The following CNTN4 variants were observed in gnomAD, a reference collection of about 807,000 sequenced individuals.
CNTN4 encodes the protein contactin-4.
In CNTN4, 77 loss-of-function variants were observed where a neutral mutation model predicts 122.5. The observed-to-expected ratio is 0.63, with a 90% CI of 0.52 to 0.76. CNTN4 has a LOEUF of 0.76. CNTN4 is among the 30% of genes least tolerant of loss of function. The probability of loss-of-function intolerance (pLI) is 0.00; values close to 1 mark genes in which losing one functional copy is unlikely to be tolerated. For missense variants in CNTN4, 1,256 were observed against 1,259.1 expected (o/e 1.00, Z 0.04); for synonymous variants, 512 against 447.0 (o/e 1.15, Z -1.83).
At chr3:2,590,751 T>G (rs959277054) in intron 4 of CNTN4, among the ~76,000 whole-genome samples, 6 of 151,976 alleles carry the variant, frequency 3.9e-5, no homozygotes, top group African/African-American at 1.4e-4. Context: ...TCTTTCCCCT[T>G]CCTCCTTGCC....
rs750819426 is a variant in CNTN4, at chr3:2,915,138, T to C, written c.1208-10491T>C. Reference sequence around the variant, plus strand: ...TGGAGTGCAGTGTTGTGATCTTGGCTCACTGCAACCTCCACCTCCCGGGTT... The same window carrying C: ...TGGAGTGCAGTGTTGTGATCTTGGCCCACTGCAACCTCCACCTCCCGGGTT... On this transcript the variant is annotated intron_variant, in intron 12 of 24. Transcript: ENST00000418658. Among the ~76,000 whole-genome samples the C allele has an allele frequency of 9.5e-4, 145 of 152,332 alleles. 1 individual carries two copies. Among genetic ancestry groups the C allele is most frequent in the African/African-American group, 3.4e-3 (142 of 41,578 alleles).
chr3:2,872,786 T>A (rs755064542), intron 8 of CNTN4, among the ~76,000 whole-genome samples: 1 of 152,156 alleles, frequency 6.6e-6, no homozygotes, highest in Non-Finnish European at 1.5e-5. Flanking sequence ...ATAAACCAGA[T>A]ATATTGTCTT....
chr3:2,643,122 T>C (rs1201320739), intron 4 of CNTN4, among the ~76,000 whole-genome samples: 1 of 152,224 alleles, frequency 6.6e-6, no homozygotes, highest in Non-Finnish European at 1.5e-5. Context: ...CTCTATGTAT[T>C]AATCTCTTCT....
At chr3:2,603,556 TGTA>T (rs1347180745) in intron 4 of CNTN4, among the ~76,000 whole-genome samples, 2 of 152,204 alleles carry the variant, frequency 1.3e-5, no homozygotes, top group African/African-American at 2.4e-5. Context: ...TAGAAGAAAT[TGTA>T]GTTTCTAAAT....
At chr3:2,183,217 G>A (rs1309171718) in intron 2 of CNTN4, among the ~76,000 whole-genome samples, 1 of 151,944 alleles carries the variant, frequency 6.6e-6, no homozygotes, top group Non-Finnish European at 1.5e-5. Context: ...TATGACAGCC[G>A]TGATTTTACC....
chr3:2,362,314 C>T (rs1309463554), intron 3 of CNTN4: 2 of 227,586 alleles, frequency 8.8e-6, no homozygotes, highest in Non-Finnish European at 1.8e-5. Context: ...GCCATGGCGG[C>T]CCCAGGGCTG....
intron 3 of CNTN4, among the ~76,000 whole-genome samples, chr3:2,411,794 T>A (rs1471573066): frequency 1.3e-5 from 2 of 152,206 alleles, no homozygotes; most frequent in African/African-American, 4.8e-5. Context: ...ATTCTGTCGT[T>A]GCTGTATTTC....
chr3:3,003,703 A>ACC (rs1459942205), intron 14 of CNTN4, among the ~76,000 whole-genome samples: 14 of 149,074 alleles, frequency 9.4e-5, no homozygotes, highest in South Asian at 2.1e-4. Context: ...AAAAAAAAAA[A>ACC]AAAAAAAAAA....
At chr3:2,365,231 T>C (rs755399609) in intron 3 of CNTN4, among the ~76,000 whole-genome samples, 1 of 152,172 alleles carries the variant, frequency 6.6e-6, no homozygotes, top group Non-Finnish European at 1.5e-5. Flanking sequence ...AGCCTGACAG[T>C]TTCTTTCATC....
intron 4 of CNTN4, among the ~76,000 whole-genome samples, chr3:2,587,652 G>C (rs956209674): frequency 6.6e-6 from 1 of 152,140 alleles, no homozygotes; most frequent in African/African-American, 2.4e-5. Context: ...TCAGCTATGC[G>C]CTCGATTCAG....
chr3:2,820,352 T>G (rs1040077822), intron 7 of CNTN4, among the ~76,000 whole-genome samples: 1 of 152,162 alleles, frequency 6.6e-6, no homozygotes, highest in Non-Finnish European at 1.5e-5. Context: ...GATAAACATA[T>G]AGAGAGAGTG....
chr3:2,615,548 C>G (rs868223613), intron 4 of CNTN4, among the ~76,000 whole-genome samples: 48 of 149,538 alleles, frequency 3.2e-4, no homozygotes, highest in African/African-American at 1.1e-3. Flanking sequence ...TGGATTAAGA[C>G]AGTGGAATGA....
intron 2 of CNTN4, among the ~76,000 whole-genome samples, chr3:2,309,005 A>C (rs2042818761): frequency 6.6e-6 from 1 of 152,012 alleles, no homozygotes; most frequent in African/African-American, 2.4e-5. Context: ...AATCTTCTGG[A>C]TCCTTTTTGA....
chr3:2,216,969 T>A (rs760244317), intron 2 of CNTN4, among the ~76,000 whole-genome samples: 12 of 152,198 alleles, frequency 7.9e-5, no homozygotes, highest in Non-Finnish European at 2.9e-5. Flanking sequence ...TGACTTCAAA[T>A]AACTAGACTT....
intron 4 of CNTN4, among the ~76,000 whole-genome samples, chr3:2,572,474 G>C (rs552491169): frequency 6.6e-6 from 1 of 152,286 alleles, no homozygotes; most frequent in African/African-American, 2.4e-5. Flanking sequence ...TCTAGCAGTT[G>C]ACATACATCA....
intron 4 of CNTN4, among the ~76,000 whole-genome samples, chr3:2,662,890 C>G (rs777609334): frequency 1.3e-5 from 2 of 151,906 alleles, no homozygotes; most frequent in African/African-American, 4.8e-5. Context: ...ATCAGGAGTT[C>G]GAGACCAGCC....
At chr3:2,308,977 A>G (rs1004861135) in intron 2 of CNTN4, among the ~76,000 whole-genome samples, 1 of 152,010 alleles carries the variant, frequency 6.6e-6, no homozygotes, top group Non-Finnish European at 1.5e-5. Context: ...TTGCTGGTCT[A>G]GTTTGTTTAT....
At chr3:3,012,952 G>A (rs1244968007) in intron 14 of CNTN4, among the ~76,000 whole-genome samples, 1 of 151,858 alleles carries the variant, frequency 6.6e-6, no homozygotes, top group African/African-American at 2.4e-5. Flanking sequence ...CGGGCAACAA[G>A]AGCGAAATTC....
chr3:2,307,924 T>A (rs2042778832), intron 2 of CNTN4, among the ~76,000 whole-genome samples: 1 of 152,146 alleles, frequency 6.6e-6, no homozygotes, highest in Non-Finnish European at 1.5e-5. Context: ...GGTATCATGG[T>A]AATAATGGGC....
Sources: allele counts gnomAD v4.1 joint callset (sites outside exome capture counted in the v4.1 genomes callset), GRCh38; gene constraint gnomAD v4.1.1; transcripts MANE v1.5; gene names NCBI Gene and HGNC (gene_info 2026-07-23, HGNC 2026-07-21).